Variants in TECPR1 observed in about 807,000 individuals in gnomAD.
TECPR1 encodes tectonin beta-propeller repeat containing 1.
Under a neutral mutation model 162.4 loss-of-function variants are expected in TECPR1, and 122 were observed. That is an observed-to-expected ratio of 0.75 (90% CI 0.65 to 0.87). The LOEUF (loss-of-function observed/expected upper bound fraction) is 0.87. TECPR1 is among the 40% of genes least tolerant of loss of function. TECPR1 has a pLI of 0.00. For missense variants in TECPR1, 1,432 were observed against 1,618.2 expected (o/e 0.88, Z 1.97); for synonymous variants, 642 against 670.6 (o/e 0.96, Z 0.66).
chr7:98,224,109 C>T (rs1247270982), intron 19 of TECPR1, among the ~76,000 whole-genome samples: 1 of 152,170 alleles, frequency 6.6e-6, no homozygotes, highest in African/African-American at 2.4e-5. Flanking sequence ...GAGCAAGAGC[C>T]CTCGGTCAGG....
chr7:98,229,865 G>A (rs1249942665), intron 15 of TECPR1, among the ~76,000 whole-genome samples: 1 of 152,088 alleles, frequency 6.6e-6, no homozygotes, highest in East Asian at 1.9e-4. Flanking sequence ...GTCGGCTTGG[G>A]AACAACCCCA....
rs752230068 is a variant in TECPR1 at position 98,224,827 on chromosome 7, C to T, written c.2664G>A (p.Gly888=). Residue 888 remains glycine (G), a synonymous_variant, in exon 19 of 26, where the codon GGG becomes GGA. Transcript: ENST00000447648. ...CAGGGAAGTCGCTGGCATACTGCCA[C>T]CCCTCCTGGTCCGTGCCCCCCGGAA... ...FSVPGGTDQE[G]WQYASDFPAS... is the part of the protein sequence containing the mutation. The T allele has an allele frequency of 3.2e-6, 5 of 1,581,452 alleles. No homozygotes were observed. In the South Asian group the frequency reaches 3.5e-5, roughly 11 times the overall value.
At chr7:98,230,481 AACCCT>A (rs999621583) in intron 15 of TECPR1, among the ~76,000 whole-genome samples, 6 of 151,984 alleles carry the variant, frequency 3.9e-5, no homozygotes, top group Non-Finnish European at 8.8e-5. Flanking sequence ...CTGGACTTCA[AACCCT>A]ACCAACTCTG....
intron 8 of TECPR1, among the ~76,000 whole-genome samples, chr7:98,240,405 G>T (rs972027468): frequency 6.6e-6 from 1 of 152,056 alleles, no homozygotes; most frequent in African/African-American, 2.4e-5. Flanking sequence ...TGCTCAGCTG[G>T]TGCCGGATTT....
At chr7:98,228,392 TC>T in intron 16 of TECPR1, 1 of 421,316 alleles carries the variant, frequency 2.4e-6, no homozygotes, top group Non-Finnish European at 4.5e-6. Flanking sequence ...CAGCGCCTCT[TC>T]CCACCTTGCC....
At chr7:98,224,941 C>T (rs1256505428) in intron 18 of TECPR1, 61 bp from the exon 19 acceptor site, 5 of 1,544,128 alleles carry the variant, frequency 3.2e-6, no homozygotes, top group African/African-American at 1.4e-5. Flanking sequence ...TCAGAACACT[C>T]GAGGAGGGGC....
At chr7:98,233,030 AAGC>A in intron 11 of TECPR1, 58 bp from the exon 12 acceptor site, 1 of 1,524,474 alleles carries the variant, frequency 6.6e-7, no homozygotes, top group Non-Finnish European at 8.8e-7. Flanking sequence ...GCTGGGCAGG[AAGC>A]CACGGCGCTC....
At chr7:98,245,600 T>C (rs1731262603) in intron 3 of TECPR1, among the ~76,000 whole-genome samples, 1 of 152,134 alleles carries the variant, frequency 6.6e-6, no homozygotes, top group African/African-American at 2.4e-5. Flanking sequence ...GCCTCCTAAG[T>C]AGCTGGGACT....
At chr7:98,233,329 C>T in intron 11 of TECPR1, 92 bp downstream of exon 11, 1 of 1,367,492 alleles carries the variant, frequency 7.3e-7, no homozygotes, top group Non-Finnish European at 9.5e-7. Context: ...AGCAGGCCTG[C>T]CCGAGCCCCC....
rs181787893 is a variant in TECPR1 at position 98,223,276 on chromosome 7, G to A, written c.2748-106C>T. 2,653 of 1,221,402 alleles carry A rather than the reference G, an allele frequency of 2.2e-3. 52 individuals carry two copies. In the African/African-American group the frequency reaches 0.036, roughly 17 times the overall value. 75.7% of individuals were successfully genotyped at this position (1,221,402 alleles called of 1,614,324 possible). A position where few individuals can be genotyped will look rare whatever the true frequency, so the allele number is the denominator to read the frequency against. On this transcript the variant is annotated intron_variant, in intron 20 of 25. Coordinates refer to ENST00000447648, the MANE Select transcript of TECPR1 (RefSeq NM_015395.3). ...GGAGGAAAGCAGCCAACCCCGGGGC[G>A]GGTAGAAAGAGGGGCCCAGAGGTGG...
Position 98,229,082 on chromosome 7 carries a change from C to T in TECPR1, c.2367G>A (p.Thr789=), listed in dbSNP as rs374428997. Residue 789 remains threonine (T), a synonymous_variant, in exon 16 of 26, where the codon ACG becomes ACA. Transcript: ENST00000447648. ...GVVWGIGYDH[T]AWVYTGGYGG... ...CATAGCCGCCTGTGTATACCCAGGC[C>T]GTGTGGTCATAGCCGATGCCCCACA... is the stretch of plus-strand genomic sequence containing the variant. 6.9e-6 allele frequency: 11 copies of T among 1,591,040 alleles called. No homozygotes were observed. The highest frequency in any genetic ancestry group is 5.7e-5 in the South Asian group (5 of 87,552).
rs781753674 is a variant in TECPR1 at position 98,244,954 on chromosome 7, C to T, written c.339G>A (p.Ser113=). ...HRPLDRVALP[S]PHWEWESDWY... ...AGTCAGACTCCCACTCCCAGTGCGG[C>T]GAGGGCAGTGCCACCCTGTCCAGCG... The change falls in exon 4 of 26, where the codon TCG becomes TCA. Residue 113 remains serine, a synonymous_variant. Transcript: ENST00000447648. The T allele has an allele frequency of 1.4e-5, 23 of 1,612,840 alleles. No individual in the cohort carries two copies. The highest frequency in any genetic ancestry group is 1.9e-5 in the Non-Finnish European group (23 of 1,179,878).
intron 10 of TECPR1, among the ~76,000 whole-genome samples, chr7:98,236,483 T>C (rs1479784537): frequency 6.6e-6 from 1 of 151,522 alleles, no homozygotes. Flanking sequence ...GAGCCTTACC[T>C]CCATCACGAC....
Position 98,218,098 on chromosome 7 carries a change from C to T in TECPR1, c.3158-56G>A, listed in dbSNP as rs765404182. 72 of 1,434,472 alleles carry T rather than the reference C, an allele frequency of 5.0e-5. No individual in the cohort carries two copies. In the African/African-American group the frequency reaches 5.8e-4, roughly 12 times the overall value. 88.9% of individuals were successfully genotyped at this position (1,434,472 alleles called of 1,614,324 possible). On this transcript the variant is annotated intron_variant, in intron 23 of 25. Transcript: ENST00000447648. ...GAAGACCTTCCCGGCCCCTCCTGCC[C>T]GTGCGGCCCGGCAGCCGGTGGCCAG...
Position 98,240,905 on chromosome 7 carries a change from G to C in TECPR1, c.879C>G (p.Val293=). The change falls in exon 8 of 26, where the codon GTC becomes GTG. Residue 293 remains valine, a synonymous_variant. Coordinates refer to ENST00000447648, the MANE Select transcript of TECPR1 (RefSeq NM_015395.3). The part of the protein sequence containing the change: ...IVEPPGSENG[V]MHISVGVSVV... ...CGCTGACTCCCACCGAGATGTGCAT[G>C]ACCCCGTTTTCAGATCCAGGAGGCT... The C allele has an allele frequency of 6.2e-7, 1 of 1,609,662 alleles. No individual in the cohort carries two copies. Among genetic ancestry groups the C allele is most frequent in the South Asian group, 1.1e-5 (1 of 89,814 alleles).
At chr7:98,226,485 C>T (rs1279029201) in intron 17 of TECPR1, 2 of 1,018,408 alleles carry the variant, frequency 2.0e-6, no homozygotes, top group East Asian at 1.0e-4. Flanking sequence ...TGTGCCTGGC[C>T]TTGTCTGCCC....
At position 98,222,792 on chromosome 7, in the gene TECPR1, G is replaced by A. The variant is rs1026230904; in HGVS notation, c.2928+198C>T. 32 of 825,824 alleles carry A rather than the reference G, an allele frequency of 3.9e-5. No homozygotes were observed. In the African/African-American group the frequency reaches 4.8e-4, roughly 12 times the overall value. 51.2% of individuals were successfully genotyped at this position (825,824 alleles called of 1,614,324 possible). ...GGACTGGGTGCCAAAGAGCCGCAGT[G>A]TCCCCTTGGCCCACCTCTGTCACCC... is the stretch of plus-strand genomic sequence containing the variant. On this transcript the variant is annotated intron_variant, in intron 21 of 25. Transcript: ENST00000447648.
At chr7:98,223,783 T>A (rs990635779) in intron 19 of TECPR1, 65 bp from the exon 20 acceptor site, 19 of 1,558,998 alleles carry the variant, frequency 1.2e-5, no homozygotes, top group Middle Eastern at 1.7e-4. Context: ...GGACCGTGCA[T>A]GTAAACATTC....
At chr7:98,222,960 A>C (rs1399778089) in intron 21 of TECPR1, 30 bp downstream of exon 21, 3 of 1,607,412 alleles carry the variant, frequency 1.9e-6, no homozygotes, top group African/African-American at 2.7e-5. Flanking sequence ...GTCTCATTTC[A>C]AGAAGAATCT....
Sources: gnomAD v4.1 joint callset for allele counts (sites outside exome capture counted in the v4.1 genomes callset) on GRCh38, gnomAD v4.1.1 for gene constraint, MANE v1.5 for transcripts, NCBI Gene and HGNC (gene_info 2026-07-23, HGNC 2026-07-21) for gene names.